The following RC3H1 variants were observed in gnomAD, a reference collection of about 807,000 sequenced individuals.
RC3H1 encodes ring finger and CCCH-type domains 1.
In RC3H1, 50 loss-of-function variants were observed where a neutral mutation model predicts 138.2. That is an observed-to-expected ratio of 0.36 (90% CI 0.29 to 0.46). RC3H1 has a LOEUF of 0.46. RC3H1 is among the 20% of genes least tolerant of loss of function. The pLI is 1.00. For synonymous variants in RC3H1, 462 were observed against 489.1 expected (o/e 0.94, Z 0.73); for missense variants, 1,031 against 1,388.1 (o/e 0.74, Z 4.09).
At chr1:174,010,141 T>C (rs1291116141) in intron 1 of RC3H1, among the ~76,000 whole-genome samples, 2 of 150,870 alleles carry the variant, frequency 1.3e-5, no homozygotes, top group Admixed American at 6.6e-5. Flanking sequence ...TTATCTTCCA[T>C]TAAAAAAAAA....
At chr1:173,982,335 T>A (rs1660860295) in intron 5 of RC3H1, among the ~76,000 whole-genome samples, 1 of 150,338 alleles carries the variant, frequency 6.7e-6, no homozygotes, top group Non-Finnish European at 1.5e-5. Flanking sequence ...GCCGAGATCA[T>A]GCACTGCACT....
At chr1:173,976,502 G>T (rs933126706) in intron 7 of RC3H1, among the ~76,000 whole-genome samples, 1 of 151,862 alleles carries the variant, frequency 6.6e-6, no homozygotes, top group Non-Finnish European at 1.5e-5. Context: ...AGTAAGAACT[G>T]AGAACTGACT....
chr1:173,960,944 G>A (rs776176594), intron 13 of RC3H1, 133 bp downstream of exon 13: 1 of 798,970 alleles, frequency 1.3e-6, no homozygotes, highest in Non-Finnish European at 2.0e-6. Context: ...GGATTGTAGA[G>A]TTAAATGATA....
Position 173,982,786 on chromosome 1 carries a change from C to A in RC3H1, c.709G>T (p.Ala237Ser). 6.2e-7 allele frequency: 1 copy of A among 1,613,686 alleles called. No homozygotes were observed. Among genetic ancestry groups the A allele is most frequent in the Non-Finnish European group, 8.5e-7 (1 of 1,179,804 alleles). ...VQRLEPRFPQ[A>S]SKTSIGHVVQ... The stretch of plus-strand genomic sequence containing the variant: ...ACATGCCCAATGCTAGTTTTAGAGG[C>A]TTGAGGAAACCGTGGCTCCAATCTT... Residue 237 changes from alanine (A) to serine (S), a missense_variant, in exon 5 of 20, where the codon GCC (alanine) becomes TCC (serine). Physicochemically the swap from Ala to Ser is moderately conservative, Grantham distance 99. Transcript: ENST00000367696.
At chr1:174,001,088 T>C (rs959504008) in intron 1 of RC3H1, among the ~76,000 whole-genome samples, 1 of 152,088 alleles carries the variant, frequency 6.6e-6, no homozygotes, top group Non-Finnish European at 1.5e-5. Context: ...AGGGAAAAAA[T>C]AGCTTGAAAA....
In RC3H1 at chr1:173,939,608, G is replaced by A. The variant is rs144388191; in HGVS notation, c.3252-737C>T. 1.7e-3 allele frequency among the ~76,000 whole-genome samples: 255 copies of A among 150,584 alleles called. 5 individuals are homozygous for A. The East Asian group carries it at 0.046, about 27-fold the overall frequency. The stretch of plus-strand genomic sequence containing the variant: ...TCCCAGCACTTTGGGAGGCCGAGGC[G>A]GGTGGATCATGAGGTCAGGAGTTTG... On this transcript the variant is annotated intron_variant, in intron 19 of 19. Transcript: ENST00000367696.
chr1:173,955,757 A>G (rs1381739646), intron 13 of RC3H1, among the ~76,000 whole-genome samples: 1 of 152,226 alleles, frequency 6.6e-6, no homozygotes, highest in Non-Finnish European at 1.5e-5. Context: ...TTTAGCCCAC[A>G]GGAAGAATGT....
chr1:174,010,934 T>C (rs1286852471), intron 1 of RC3H1, among the ~76,000 whole-genome samples: 1 of 152,166 alleles, frequency 6.6e-6, no homozygotes, highest in Admixed American at 6.5e-5. Flanking sequence ...CTTAAAACTC[T>C]GGGTACAATG....
Position 173,933,778 on chromosome 1 carries a change from T to C in RC3H1, c.*4943A>G, listed in dbSNP as rs1160179276. 2.0e-5 allele frequency: 3 copies of C among 152,192 alleles called. No homozygotes were observed. The highest frequency in any genetic ancestry group is 2.9e-5 in the Non-Finnish European group (2 of 68,016). The allele number at this position is 152,192 out of a possible 1,614,324, so 9.4% of individuals were successfully genotyped here. On this transcript the variant is annotated 3_prime_UTR_variant, in exon 20 of 20. Coordinates refer to ENST00000367696, the MANE Select transcript of RC3H1 (RefSeq NM_172071.4). Reference sequence around the variant, plus strand: ...GGGCACTCAGGTAAAATGATGACAGTAGTAGACTGCTTGCTTGTTTAGGTG... The same window carrying C: ...GGGCACTCAGGTAAAATGATGACAGCAGTAGACTGCTTGCTTGTTTAGGTG...
At position 173,964,178 on chromosome 1, in the gene RC3H1, A is replaced by C; in HGVS notation, c.1626T>G (p.Ser542=). The C allele has an allele frequency of 6.2e-7, 1 of 1,610,400 alleles. No homozygotes were observed. Among genetic ancestry groups the C allele is most frequent in the Non-Finnish European group, 8.5e-7 (1 of 1,176,604 alleles). The part of the protein sequence containing the change: ...APGSPPDLLE[S]VPKSISALPV... ...GTAAGGCAGAAATACTCTTAGGAACAGATTCTAGCCTAAGGGAATAATATT... is the reference window on the plus strand; with the variant it reads ...GTAAGGCAGAAATACTCTTAGGAACCGATTCTAGCCTAAGGGAATAATATT... The change falls in exon 11 of 20, where the codon TCT becomes TCG. Residue 542 remains serine, a synonymous_variant. Coordinates refer to ENST00000367696, the MANE Select transcript of RC3H1 (RefSeq NM_172071.4).
In RC3H1 at chr1:173,946,740, T is replaced by TC. The variant is rs777065223; in HGVS notation, c.2828+5dup. On this transcript the variant is annotated splice_donor_region_variant and intron_variant, in intron 16 of 19. Transcript: ENST00000367696. ...TGTTTGTTCAAGTAAAAAGAATGAC[T>TC]CATACCTCTCACTGAAGTGTCCCTG... 2 of 1,611,108 alleles carry TC rather than the reference T, an allele frequency of 1.2e-6. No individual in the cohort carries two copies. The highest frequency in any genetic ancestry group is 1.7e-6 in the Non-Finnish European group (2 of 1,177,436).
intron 1 of RC3H1, among the ~76,000 whole-genome samples, chr1:174,003,899 G>A (rs1661604642): frequency 6.6e-6 from 1 of 151,646 alleles, no homozygotes; most frequent in Non-Finnish European, 1.5e-5. Context: ...CTGACCTTGT[G>A]ATCCGCCCAC....
At chr1:174,020,228 AGTT>A (rs561641741) in intron 1 of RC3H1, among the ~76,000 whole-genome samples, 41 of 152,318 alleles carry the variant, frequency 2.7e-4, no homozygotes, top group South Asian at 1.5e-3. Flanking sequence ...AGCCATAGAA[AGTT>A]GTTATTTCTC....
rs530631387 is a variant in RC3H1, at chr1:173,957,822, A to G, written c.2370+3255T>C. 7.2e-4 allele frequency among the ~76,000 whole-genome samples: 109 copies of G among 152,270 alleles called. No homozygotes were observed. The South Asian group carries it at 7.5e-3, about 10-fold the overall frequency. ...AGCAATCTTCCCACCTCAGCCTCCC[A>G]AAGTGTGGGATTACAGGTGTGAGCT... On this transcript the variant is annotated intron_variant, in intron 13 of 19. Coordinates refer to ENST00000367696, the MANE Select transcript of RC3H1 (RefSeq NM_172071.4).
intron 2 of RC3H1, among the ~76,000 whole-genome samples, chr1:173,986,612 G>C (rs979396143): frequency 3.9e-5 from 6 of 152,042 alleles, no homozygotes; most frequent in African/African-American, 9.7e-5. Context: ...GCCCAGATTG[G>C]AGTACAGTGG....
chr1:173,965,168 A>C (rs1210410185), intron 9 of RC3H1, 48 bp from the exon 10 acceptor site: 1 of 1,496,296 alleles, frequency 6.7e-7, no homozygotes, highest in Non-Finnish European at 9.1e-7. Flanking sequence ...ATAAAAGCAA[A>C]ACCAAGAACT....
At chr1:173,941,553 C>T in intron 18 of RC3H1, 173 bp from the exon 19 acceptor site, 1 of 521,012 alleles carries the variant, frequency 1.9e-6, no homozygotes, top group South Asian at 2.4e-5. Context: ...TAACAGAATA[C>T]AATCCACTTG....
chr1:173,982,939 A>G (rs1047110631), intron 4 of RC3H1, 37 bp from the exon 5 acceptor site: 2 of 1,551,570 alleles, frequency 1.3e-6, no homozygotes, highest in East Asian at 4.5e-5. Context: ...TTTATCAAGT[A>G]CATAGATAAG....
At position 173,983,651 on chromosome 1, in the gene RC3H1, C is replaced by T; in HGVS notation, c.359G>A (p.Gly120Asp). 1 of 1,613,920 alleles carries T rather than the reference C, an allele frequency of 6.2e-7. No individual in the cohort carries two copies. Among genetic ancestry groups the T allele is most frequent in the Non-Finnish European group, 8.5e-7 (1 of 1,179,926 alleles). The part of the protein sequence containing the change: ...LKPLSSARGV[G>D]LNSTTQSVLS... Reference sequence around the variant, plus strand: ...AACACTCTGAGTAGTGCTGTTCAGACCCACTCCTTTAAAAGAGTAAAGAAG... The same window carrying T: ...AACACTCTGAGTAGTGCTGTTCAGATCCACTCCTTTAAAAGAGTAAAGAAG... Residue 120 changes from glycine to aspartate, a missense_variant, in exon 4 of 20, where the codon GGT becomes GAT. Around this residue, in one of 7 missense-constraint regions of RC3H1, gnomAD observed 80 missense variants for 81.1 expected, o/e 0.99. Coordinates refer to ENST00000367696, the MANE Select transcript of RC3H1 (RefSeq NM_172071.4).
Sources: allele counts gnomAD v4.1 joint callset (sites outside exome capture counted in the v4.1 genomes callset), GRCh38; gene constraint gnomAD v4.1.1; regional missense constraint gnomAD v4.1.1; transcripts MANE v1.5; gene names NCBI Gene and HGNC (gene_info 2026-07-23, HGNC 2026-07-21).